The following ITPR1 variants were observed in gnomAD, a reference collection of about 807,000 sequenced individuals.
ITPR1 encodes the protein inositol 1,4,5-trisphosphate-gated calcium channel ITPR1.
Under a neutral mutation model 318.4 loss-of-function variants are expected in ITPR1, and 96 were observed. The observed-to-expected ratio is 0.30, with a 90% CI of 0.26 to 0.36. The LOEUF is 0.36. Ranked by LOEUF, ITPR1 falls within the 10% of genes least tolerant of loss-of-function variation. ITPR1 has a pLI of 1.00. For synonymous variants in ITPR1, 1,312 were observed against 1,289.9 expected, an observed-to-expected ratio of 1.02 and a Z score of -0.37; for missense variants, 2,440 against 3,460.2, an observed-to-expected ratio of 0.71 and a Z score of 7.40.
intron 4 of ITPR1, among the ~76,000 whole-genome samples, chr3:4,622,223 TC>T (rs1318476493): frequency 1.3e-5 from 2 of 150,490 alleles, no homozygotes; most frequent in Non-Finnish European, 3.0e-5. Flanking sequence ...CAAACGATTC[TC>T]CTGCCTCAGC....
chr3:4,601,730 C>T (rs758560635), intron 4 of ITPR1, among the ~76,000 whole-genome samples: 1 of 152,146 alleles, frequency 6.6e-6, no homozygotes, highest in South Asian at 2.1e-4. Context: ...TAAAACCTTT[C>T]CTGCTTCAAA....
intron 51 of ITPR1, among the ~76,000 whole-genome samples, chr3:4,787,235 G>C (rs1461423173): frequency 6.8e-6 from 1 of 147,846 alleles, no homozygotes; most frequent in African/African-American, 2.5e-5. Context: ...GATAAAAGTT[G>C]GTCACCTTAG....
intron 5 of ITPR1, among the ~76,000 whole-genome samples, chr3:4,628,733 G>A (rs1334060231): frequency 6.6e-6 from 1 of 152,184 alleles, no homozygotes; most frequent in Non-Finnish European, 1.5e-5. Context: ...AGTGTTGCTT[G>A]TTGCAGTGGG....
In ITPR1 at chr3:4,710,160, G is replaced by T. The variant is rs2041246635; in HGVS notation, c.4843-165G>T. Among the ~76,000 whole-genome samples, 1 of 152,170 alleles carries T rather than the reference G, an allele frequency of 6.6e-6. No individual in the cohort carries two copies. Among genetic ancestry groups the T allele is most frequent in the Non-Finnish European group, 1.5e-5 (1 of 68,034 alleles). On this transcript the variant is annotated intron_variant, in intron 37 of 61. Coordinates refer to ENST00000649015, the MANE Select transcript of ITPR1 (RefSeq NM_001378452.1). The surrounding 1 kb of genome is among the most constrained non-coding windows in gnomAD (Gnocchi z 4.2). ...TCTGCATCAGAGGCTAATGTTTCAGGTAACCATTGGGCAATGTCTAATAAT... is the reference window on the plus strand; with the variant it reads ...TCTGCATCAGAGGCTAATGTTTCAGTTAACCATTGGGCAATGTCTAATAAT...
chr3:4,646,038 CA>C, intron 10 of ITPR1: 1 of 272,532 alleles, frequency 3.7e-6, no homozygotes, highest in Non-Finnish European at 7.1e-6. Context: ...GAAACAAATT[CA>C]AAAACGAAAT....
chr3:4,660,357 C>A (rs531808542), intron 13 of ITPR1, among the ~76,000 whole-genome samples: 1 of 151,900 alleles, frequency 6.6e-6, no homozygotes, highest in African/African-American at 2.4e-5. Context: ...AGAGTAATAA[C>A]CTTTTAATGC....
chr3:4,573,541 A>G (rs1179399650), intron 4 of ITPR1, among the ~76,000 whole-genome samples: 1 of 152,216 alleles, frequency 6.6e-6, no homozygotes, highest in African/African-American at 2.4e-5. Context: ...AATGACTCCC[A>G]TCACACACTG....
At chr3:4,732,016 C>G (rs2042960594) in intron 42 of ITPR1, among the ~76,000 whole-genome samples, 2 of 152,166 alleles carry the variant, frequency 1.3e-5, no homozygotes, top group Non-Finnish European at 2.9e-5. Flanking sequence ...CAGAGGAACT[C>G]CGTGACTTGC....
At chr3:4,780,080 C>A (rs1305972432) in intron 49 of ITPR1, among the ~76,000 whole-genome samples, 2 of 151,846 alleles carry the variant, frequency 1.3e-5, no homozygotes, top group Non-Finnish European at 2.9e-5. Flanking sequence ...TGCTGTGTTA[C>A]CTTAGACTTC....
rs1360370764 is a variant in ITPR1 at position 4,768,778 on chromosome 3, G to C, written c.5979+14G>C. On this transcript the variant is annotated intron_variant, in intron 46 of 61. Coordinates refer to ENST00000649015, the MANE Select transcript of ITPR1 (RefSeq NM_001378452.1). ...CGAGACCTGCAGGTGAGGGCCTGGG[G>C]GTGGGGGCGTGGAGGGAGCTCGGGA... The C allele has an allele frequency of 6.2e-7, 1 of 1,602,698 alleles. No individual in the cohort carries two copies. The highest frequency in any genetic ancestry group is 1.3e-5 in the African/African-American group (1 of 74,732).
At chr3:4,640,631 A>G (rs2093315655) in intron 6 of ITPR1, among the ~76,000 whole-genome samples, 1 of 152,238 alleles carries the variant, frequency 6.6e-6, no homozygotes, top group South Asian at 2.1e-4. Context: ...TTTTAAATGC[A>G]TTCCGGTTTA....
intron 42 of ITPR1, among the ~76,000 whole-genome samples, chr3:4,727,577 T>C (rs995572988): frequency 4.6e-5 from 7 of 152,148 alleles, no homozygotes; most frequent in Non-Finnish European, 8.8e-5. Flanking sequence ...TTGTTTGTTA[T>C]TTGGGGTGGT....
chr3:4,553,227 A>G (rs2085749768), intron 4 of ITPR1, among the ~76,000 whole-genome samples: 1 of 152,122 alleles, frequency 6.6e-6, no homozygotes. Flanking sequence ...GGCATTAAAC[A>G]TGAATGGAGT....
chr3:4,555,557 G>T (rs2086037123), intron 4 of ITPR1, among the ~76,000 whole-genome samples: 2 of 152,044 alleles, frequency 1.3e-5, no homozygotes, highest in Admixed American at 6.6e-5. Context: ...CCAGGCAATG[G>T]AATATTACTC....
At chr3:4,804,508 G>A (rs1437347141) in intron 54 of ITPR1, among the ~76,000 whole-genome samples, 1 of 152,204 alleles carries the variant, frequency 6.6e-6, no homozygotes, top group Non-Finnish European at 1.5e-5. Context: ...ACCACAAATA[G>A]CAGCTATTTC....
At position 4,727,512 on chromosome 3, in the gene ITPR1, A is replaced by G. The variant is rs571842688; in HGVS notation, c.5220+339A>G. The stretch of plus-strand genomic sequence containing the variant: ...GATGACCATTATAATTTATAATTTT[A>G]AAAAAATGGAAAAACGTTCATAATT... On this transcript the variant is annotated intron_variant, in intron 42 of 61. Coordinates refer to ENST00000649015, the MANE Select transcript of ITPR1 (RefSeq NM_001378452.1). 8.5e-5 allele frequency among the ~76,000 whole-genome samples: 13 copies of G among 152,318 alleles called. No homozygotes were observed. In the East Asian group the frequency reaches 2.3e-3, roughly 27 times the overall value.
In ITPR1 at chr3:4,846,549, A is replaced by T. The variant is rs756640870; in HGVS notation, c.*324A>T. On this transcript the variant is annotated 3_prime_UTR_variant, in exon 62 of 62. Coordinates refer to ENST00000649015, the MANE Select transcript of ITPR1 (RefSeq NM_001378452.1). ...TGACATGTATTTTGTATTTAAAACT[A>T]GAATAGCCAGTATTTATGTTTTTTA... The T allele has an allele frequency of 2.6e-5, 5 of 190,248 alleles. No homozygotes were observed. The highest frequency in any genetic ancestry group is 1.3e-4 in the East Asian group (1 of 7,676). The allele number at this position is 190,248 out of a possible 1,614,324, so 11.8% of individuals were successfully genotyped here. A position where few individuals can be genotyped will look rare whatever the true frequency, so the allele number is the denominator to read the frequency against.
At chr3:4,749,643 A>G (rs2044354953) in intron 44 of ITPR1, 1 of 152,268 alleles carries the variant, frequency 6.6e-6, no homozygotes. Context: ...TCTAAGACTC[A>G]GCAAAAGCTT....
At chr3:4,634,375 C>T (rs569530059) in intron 5 of ITPR1, among the ~76,000 whole-genome samples, 28 of 152,160 alleles carry the variant, frequency 1.8e-4, no homozygotes, top group African/African-American at 6.7e-4. Context: ...CCATGCCTGG[C>T]TAATTTTTGT....
Sources: gnomAD v4.1 joint callset for allele counts (sites outside exome capture counted in the v4.1 genomes callset) on GRCh38, gnomAD v4.1.1 for gene constraint, Gnocchi (gnomAD v3.1) non-coding constraint, MANE v1.5 for transcripts, NCBI Gene and HGNC (gene_info 2026-07-23, HGNC 2026-07-21) for gene names.